Variants in SRGAP3 observed in about 807,000 individuals in gnomAD.
SRGAP3 encodes the protein SLIT-ROBO Rho GTPase-activating protein 3.
Under a neutral mutation model 121.1 loss-of-function variants are expected in SRGAP3, and 39 were observed. The observed-to-expected ratio is 0.32, with a 90% CI of 0.25 to 0.42. The LOEUF is 0.42. Among genes scored for constraint, SRGAP3 ranks in the 10% least tolerant of loss-of-function variants. The probability of loss-of-function intolerance (pLI) is 1.00; values close to 1 mark genes in which losing one functional copy is unlikely to be tolerated. For synonymous variants in SRGAP3, 601 were observed against 570.0 expected (o/e 1.05, Z -0.77); for missense variants, 1,213 against 1,470.6 (o/e 0.82, Z 2.86).
chr3:9,318,663 C>CA (rs1296585731), intron 3 of SRGAP3, among the ~76,000 whole-genome samples: 2 of 148,206 alleles, frequency 1.3e-5, no homozygotes, highest in East Asian at 3.9e-4. Context: ...CACTTGAGCC[C>CA]AGGAGTTTAA....
chr3:9,258,688 G>T (rs1469448874), intron 3 of SRGAP3, among the ~76,000 whole-genome samples: 1 of 152,180 alleles, frequency 6.6e-6, no homozygotes, highest in Non-Finnish European at 1.5e-5. Context: ...CACATACCAG[G>T]TGCTATCATT....
intron 1 of SRGAP3, among the ~76,000 whole-genome samples, chr3:9,125,271 G>C (rs1289286247): frequency 6.6e-6 from 1 of 152,154 alleles, no homozygotes; most frequent in African/African-American, 2.4e-5. Context: ...AAAATGCAAA[G>C]GTTTCTATCA....
intron 1 of SRGAP3, among the ~76,000 whole-genome samples, chr3:9,234,818 C>A (rs1432382458): frequency 2.0e-5 from 3 of 152,130 alleles, no homozygotes; most frequent in African/African-American, 4.8e-5. Context: ...GAAAGGTAGA[C>A]CAGGGAACAG....
intron 3 of SRGAP3, among the ~76,000 whole-genome samples, chr3:9,285,346 C>T (rs903942405): frequency 1.3e-5 from 2 of 152,132 alleles, no homozygotes; most frequent in African/African-American, 4.8e-5. Flanking sequence ...AATATGACAC[C>T]TTGGCATTTG....
At chr3:9,171,332 C>A (rs1196374732) in intron 1 of SRGAP3, among the ~76,000 whole-genome samples, 1 of 152,236 alleles carries the variant, frequency 6.6e-6, no homozygotes, top group Non-Finnish European at 1.5e-5. Context: ...GGTCAGAGCC[C>A]TGCATTTAAA....
chr3:9,207,993 G>T (rs1031836631), intron 1 of SRGAP3, among the ~76,000 whole-genome samples: 6 of 152,074 alleles, frequency 3.9e-5, no homozygotes, highest in African/African-American at 1.4e-4. Context: ...TGAACCTCTT[G>T]TGTTATCACT....
chr3:9,135,672 T>G (rs1382346718), intron 1 of SRGAP3, among the ~76,000 whole-genome samples: 3 of 152,252 alleles, frequency 2.0e-5, no homozygotes, highest in Non-Finnish European at 4.4e-5. Context: ...CTTGCAGGGT[T>G]GTTGCCAGGA....
chr3:9,193,477 G>A (rs966286669), intron 1 of SRGAP3: 6 of 152,278 alleles, frequency 3.9e-5, no homozygotes, highest in African/African-American at 1.4e-4. Context: ...GAGCCATGCA[G>A]AGGAGGTGCC....
intron 20 of SRGAP3, 41 bp downstream of exon 20, chr3:8,992,865 G>T (rs1408267231): frequency 1.2e-6 from 2 of 1,613,976 alleles, no homozygotes; most frequent in East Asian, 4.5e-5. Context: ...ACATGAACAG[G>T]ATTGACACCA....
In SRGAP3 at chr3:9,236,910, A is replaced by G. The variant is rs182336517; in HGVS notation, c.67+11975T>C. Among the ~76,000 whole-genome samples the G allele has an allele frequency of 3.5e-3, 531 of 152,260 alleles. 12 individuals are homozygous for G. Among genetic ancestry groups the G allele is most frequent in the Admixed American group, 0.023 (353 of 15,302 alleles). ...TTAAGTTTCATAAAACTATGAAACT[A>G]TTTTTGTGTCCCCATCTCAGACACA... On this transcript the variant is annotated intron_variant, in intron 1 of 21. Transcript: ENST00000383836.
At chr3:9,182,668 T>C (rs185094695) in intron 1 of SRGAP3, among the ~76,000 whole-genome samples, 1 of 152,196 alleles carries the variant, frequency 6.6e-6, no homozygotes, top group Non-Finnish European at 1.5e-5. Flanking sequence ...TTGTTTGTTT[T>C]ATAGAGACAG....
chr3:9,031,104 T>C (rs1438515872), intron 12 of SRGAP3, among the ~76,000 whole-genome samples: 1 of 152,150 alleles, frequency 6.6e-6, no homozygotes, highest in Admixed American at 6.5e-5. Flanking sequence ...TGTGAGCCAC[T>C]GCGCCTATCC....
At chr3:9,117,919 G>A (rs1383666295) in intron 2 of SRGAP3, among the ~76,000 whole-genome samples, 1 of 152,032 alleles carries the variant, frequency 6.6e-6, no homozygotes, top group Non-Finnish European at 1.5e-5. Context: ...AGAAGTTTAA[G>A]TCCAGCCTGG....
intron 17 of SRGAP3, 84 bp downstream of exon 17, chr3:9,013,224 G>C: frequency 7.2e-7 from 1 of 1,388,484 alleles, no homozygotes; most frequent in African/African-American, 1.4e-5. Context: ...CAAGCAGTAA[G>C]AAAACTGAAG....
intron 3 of SRGAP3, among the ~76,000 whole-genome samples, chr3:9,279,826 T>A (rs750228084): frequency 2.0e-5 from 3 of 152,088 alleles, no homozygotes; most frequent in Admixed American, 6.5e-5. Context: ...AACACCCTGA[T>A]CGTGGCAAAT....
At chr3:9,028,505 T>C (rs781146662) in intron 12 of SRGAP3, among the ~76,000 whole-genome samples, 4 of 152,292 alleles carry the variant, frequency 2.6e-5, no homozygotes, top group Non-Finnish European at 5.9e-5. Context: ...TATGCACCCA[T>C]GGACAAAAGC....
chr3:9,155,591 C>A (rs147442205), intron 1 of SRGAP3, among the ~76,000 whole-genome samples: 83 of 152,146 alleles, frequency 5.5e-4, no homozygotes, highest in African/African-American at 2.0e-3. Context: ...TTATTCATTG[C>A]CCCGGGTTGG....
At chr3:9,264,331 C>T (rs1282941088) in intron 3 of SRGAP3, among the ~76,000 whole-genome samples, 1 of 152,198 alleles carries the variant, frequency 6.6e-6, no homozygotes, top group Non-Finnish European at 1.5e-5. Flanking sequence ...TGCCCTCTCT[C>T]ACCACTCCTA....
At chr3:9,022,658 G>T (rs186322346) in intron 14 of SRGAP3, among the ~76,000 whole-genome samples, 1 of 152,022 alleles carries the variant, frequency 6.6e-6, no homozygotes, top group South Asian at 2.1e-4. Context: ...ATCTGGCAGC[G>T]GCCAACCCAG....
Sources: allele counts gnomAD v4.1 joint callset (sites outside exome capture counted in the v4.1 genomes callset), GRCh38; gene constraint gnomAD v4.1.1; transcripts MANE v1.5; gene names NCBI Gene and HGNC (gene_info 2026-07-23, HGNC 2026-07-21).